The following TMEM273 variants were observed in gnomAD, a reference collection of about 807,000 sequenced individuals.
The protein encoded by TMEM273 is chromosome 10 open reading frame 128.
A neutral mutation model predicts 17.9 loss-of-function variants in TMEM273; 19 were observed. The observed-to-expected ratio is 1.06, with a 90% CI of 0.74 to 1.55. The LOEUF (loss-of-function observed/expected upper bound fraction) is 1.55, where lower values mean the gene tolerates loss of function less well. Ranked by LOEUF, TMEM273 falls within the 40% of genes most tolerant of loss-of-function variation. TMEM273 has a pLI of 0.00. For synonymous variants in TMEM273, 66 were observed against 62.0 expected (o/e 1.07, Z -0.31); for missense variants, 194 against 155.6 (o/e 1.25, Z -1.31).
Position 49,167,004 on chromosome 10 carries a change from T to G in TMEM273, c.103A>C (p.Lys35Gln). Residue 35 changes from lysine to glutamine, a missense_variant, in exon 3 of 7, where the codon AAG becomes CAG. Physicochemically the swap from Lys to Gln is moderately conservative, Grantham distance 53. Transcript: ENST00000374153. ...ACAGCAGTCCCGATGAGGGCGTACTTGAAATCTGAAACGCAGGGAGGAATT... is the reference window on the plus strand; with the variant it reads ...ACAGCAGTCCCGATGAGGGCGTACTGGAAATCTGAAACGCAGGGAGGAATT... ...GKTPGAEIDFKYALIGTAVGV... is the reference protein window; with the variant it reads ...GKTPGAEIDFQYALIGTAVGV... 1 of 1,613,826 alleles carries G rather than the reference T, an allele frequency of 6.2e-7. No homozygotes were observed. The highest frequency in any genetic ancestry group is 2.2e-5 in the East Asian group (1 of 44,866).
intron 1 of TMEM273, among the ~76,000 whole-genome samples, chr10:49,177,843 AAGCATGGGCTG>A (rs1847087511): frequency 5.0e-5 from 2 of 39,786 alleles, no homozygotes; most frequent in Non-Finnish European, 2.3e-4. Flanking sequence ...CAGTGGGGCT[AAGCATGGGCTG>A]GCCAGGAGCT....
chr10:49,165,414 G>C, intron 4 of TMEM273, 131 bp from the exon 5 acceptor site: 1 of 1,514,486 alleles, frequency 6.6e-7, no homozygotes, highest in South Asian at 1.3e-5. Flanking sequence ...CAGAAACCTG[G>C]GACAAACCAC....
intron 1 of TMEM273, among the ~76,000 whole-genome samples, chr10:49,185,312 CTGGCCTGGCTT>C: frequency 6.6e-6 from 1 of 152,278 alleles, no homozygotes; most frequent in East Asian, 1.9e-4. Flanking sequence ...GTGGGAAAGA[CTGGCCTGGCTT>C]CTCATCCCAG....
chr10:49,166,867 A>T lies in TMEM273; in HGVS notation c.238+2T>A. On this transcript the variant is annotated splice_donor_variant, in intron 3 of 6. Transcript: ENST00000374153. LOFTEE classifies it high-confidence loss of function. The stretch of plus-strand genomic sequence containing the variant: ...GCCAGGCCCGAGCACCACATCCCTC[A>T]CCACTGAGGCCCCCAGGCGTGCTTT... The T allele has an allele frequency of 3.7e-6, 6 of 1,613,436 alleles. No homozygotes were observed. The highest frequency in any genetic ancestry group is 5.1e-6 in the Non-Finnish European group (6 of 1,179,960).
intron 6 of TMEM273, among the ~76,000 whole-genome samples, chr10:49,156,559 T>C (rs779696897): frequency 2.0e-4 from 30 of 152,252 alleles, no homozygotes; most frequent in Admixed American, 5.9e-4. Context: ...TAGTTTCACA[T>C]AGACATCTAG....
At chr10:49,156,845 G>A (rs752129119) in intron 6 of TMEM273, among the ~76,000 whole-genome samples, 4 of 152,170 alleles carry the variant, frequency 2.6e-5, no homozygotes, top group Non-Finnish European at 2.9e-5. Flanking sequence ...TAGAACCAAC[G>A]TTAAAGACAA....
At chr10:49,159,314 A>G (rs968544044) in intron 6 of TMEM273, among the ~76,000 whole-genome samples, 2 of 152,224 alleles carry the variant, frequency 1.3e-5, no homozygotes, top group African/African-American at 2.4e-5. Flanking sequence ...TTTGAACACA[A>G]TACTCTGGCT....
chr10:49,184,889 C>T (rs780799070), intron 1 of TMEM273, among the ~76,000 whole-genome samples: 4 of 152,206 alleles, frequency 2.6e-5, no homozygotes, highest in Non-Finnish European at 4.4e-5. Context: ...AGATAAATGG[C>T]AGTGTTTCTG....
rs1487252859 is a variant in TMEM273 at position 49,178,092 on chromosome 10, G to A, written c.44-10130C>T. On this transcript the variant is annotated intron_variant, in intron 1 of 6. Transcript: ENST00000374153. Reference sequence around the variant, plus strand: ...AACCCATCTGGGGCACTGCAGCCAGGCACTCTTCCTGTAAGGCTGTTTAAA... The same window carrying A: ...AACCCATCTGGGGCACTGCAGCCAGACACTCTTCCTGTAAGGCTGTTTAAA... 1.1e-4 allele frequency: 48 copies of A among 427,696 alleles called. 1 individual carries two copies. The East Asian group carries it at 2.1e-3, about 19-fold the overall frequency. The allele number at this position is 427,696 out of a possible 1,614,324, so 26.5% of individuals were successfully genotyped here.
rs763908552 is a variant in TMEM273 at position 49,185,807 on chromosome 10, C to T, written c.43+2487G>A. 3.2e-4 allele frequency among the ~76,000 whole-genome samples: 48 copies of T among 151,924 alleles called. 1 individual carries two copies. The highest frequency in any genetic ancestry group is 6.2e-4 in the Non-Finnish European group (42 of 68,002). ...CAGCTTGGCCAACATGGAGAAGCCGCATCTCTACTAAAAATACAAAATTAG... is the reference window on the plus strand; with the variant it reads ...CAGCTTGGCCAACATGGAGAAGCCGTATCTCTACTAAAAATACAAAATTAG... On this transcript the variant is annotated intron_variant, in intron 1 of 6. Coordinates refer to ENST00000374153, the MANE Select transcript of TMEM273 (RefSeq NM_001288740.3).
At chr10:49,160,710 TATTC>T (rs1425837106) in intron 6 of TMEM273, 1 of 152,132 alleles carries the variant, frequency 6.6e-6, no homozygotes, top group African/African-American at 2.4e-5. Context: ...AATGGTGCTG[TATTC>T]AGGGGTGAAA....
chr10:49,169,254 T>C (rs747989631), intron 1 of TMEM273, among the ~76,000 whole-genome samples: 4 of 152,166 alleles, frequency 2.6e-5, no homozygotes, highest in Non-Finnish European at 1.5e-5. Flanking sequence ...ACCACTCCTG[T>C]TTCTCACAAA....
chr10:49,184,256 A>G (rs1026607278), intron 1 of TMEM273, among the ~76,000 whole-genome samples: 1 of 151,800 alleles, frequency 6.6e-6, no homozygotes, highest in East Asian at 1.9e-4. Context: ...TAACTTTTTA[A>G]AATGCTTCTT....
intron 6 of TMEM273, among the ~76,000 whole-genome samples, chr10:49,159,253 A>T (rs75554956): frequency 0.027 from 4,041 of 152,214 alleles, 166 homozygotes; most frequent in African/African-American, 0.093. Context: ...AGTGTTTCTG[A>T]CTCTCTATCC....
chr10:49,178,302 A>T, intron 1 of TMEM273: 1 of 457,018 alleles, frequency 2.2e-6, no homozygotes, highest in Non-Finnish European at 4.4e-6. Flanking sequence ...ATTCTTGCAG[A>T]CTGGCTCCAG....
At chr10:49,156,222 T>C (rs747523804) in intron 6 of TMEM273, 4 of 1,397,292 alleles carry the variant, frequency 2.9e-6, no homozygotes, top group South Asian at 2.4e-5. Flanking sequence ...ACTTTTCACT[T>C]TCTGTAGTTG....
chr10:49,173,820 C>T (rs549418355), intron 1 of TMEM273, among the ~76,000 whole-genome samples: 4 of 152,266 alleles, frequency 2.6e-5, no homozygotes, highest in Admixed American at 6.5e-5. Context: ...CTGAGTGGTA[C>T]GGAGCTCAGG....
intron 1 of TMEM273, among the ~76,000 whole-genome samples, chr10:49,170,349 C>G (rs1358464621): frequency 6.6e-6 from 1 of 152,156 alleles, no homozygotes; most frequent in East Asian, 1.9e-4. Context: ...TCCTCATTGA[C>G]TTCACCCCCC....
chr10:49,165,509 C>T lies in TMEM273; in HGVS notation c.270-226G>A, dbSNP rs757931120. ...TGAAGGGGTCTGAGTGGGGGTGGAA[C>T]AGGATCTAATCCAGGCTATGCAGAG... On this transcript the variant is annotated intron_variant, in intron 4 of 6. Transcript: ENST00000374153. 37 of 1,414,028 alleles carry T rather than the reference C, an allele frequency of 2.6e-5. No individual in the cohort carries two copies. The South Asian group carries it at 5.4e-4, about 21-fold the overall frequency. The allele number at this position is 1,414,028 out of a possible 1,614,324, so 87.6% of individuals were successfully genotyped here. A position where few individuals can be genotyped will look rare whatever the true frequency, so the allele number is the denominator to read the frequency against.
Sources: gnomAD v4.1 joint callset for allele counts (sites outside exome capture counted in the v4.1 genomes callset) on GRCh38, gnomAD v4.1.1 for gene constraint, MANE v1.5 for transcripts, NCBI Gene and HGNC (gene_info 2026-07-23, HGNC 2026-07-21) for gene names.